Variants in CHRM3 observed in about 807,000 individuals in gnomAD.
CHRM3 encodes muscarinic acetylcholine receptor M3.
CHRM3 carries 11 observed loss-of-function variants against 41.8 expected under a neutral mutation model. The ratio of observed to expected loss-of-function variants is 0.26; its 90% confidence interval spans 0.17 to 0.44. The LOEUF (loss-of-function observed/expected upper bound fraction) is 0.44. Ranked by LOEUF, CHRM3 falls within the 20% of genes least tolerant of loss-of-function variation. The pLI is 1.00. For synonymous variants in CHRM3, 297 were observed against 301.4 expected (o/e 0.99, Z 0.15); for missense variants, 571 against 745.4 (o/e 0.77, Z 2.72).
chr1:239,763,795 C>T (rs1666993696), intron 5 of CHRM3, among the ~76,000 whole-genome samples: 1 of 143,708 alleles, frequency 7.0e-6, no homozygotes, highest in Admixed American at 6.9e-5. Flanking sequence ...GCTTTTATCT[C>T]ATTAAGTCCT....
chr1:239,847,960 G>T (rs2149207071), intron 6 of CHRM3, among the ~76,000 whole-genome samples: 2 of 151,550 alleles, frequency 1.3e-5, no homozygotes, highest in South Asian at 4.2e-4. Context: ...GGGAGGGGAG[G>T]GGAGGGGAGA....
chr1:239,511,654 G>T (rs1046082879), intron 2 of CHRM3, among the ~76,000 whole-genome samples: 5 of 152,146 alleles, frequency 3.3e-5, no homozygotes, highest in Non-Finnish European at 5.9e-5. Context: ...AAAGAGAAAG[G>T]TTTGGGGACG....
In CHRM3 at chr1:239,642,014, T is replaced by C. The variant is rs1268307701; in HGVS notation, c.-250+9728T>C. Among the ~76,000 whole-genome samples, 6 of 127,326 alleles carry C rather than the reference T, an allele frequency of 4.7e-5. 2 individuals are homozygous for C. The highest frequency in any genetic ancestry group is 1.0e-4 in the Non-Finnish European group (6 of 60,148). The allele number at this position is 127,326 out of a possible 152,430, so 83.5% of individuals were successfully genotyped here. A position where few individuals can be genotyped will look rare whatever the true frequency, so the allele number is the denominator to read the frequency against. On this transcript the variant is annotated intron_variant, in intron 4 of 6. Coordinates refer to ENST00000676153, the MANE Select transcript of CHRM3 (RefSeq NM_001375978.1). ...TGTCTGTAAAGAATTTTATTTCTCC[T>C]CCACTTATGAAGCTTAGTTTGGCTG...
At chr1:239,738,197 T>C (rs1190784689) in intron 5 of CHRM3, among the ~76,000 whole-genome samples, 1 of 152,190 alleles carries the variant, frequency 6.6e-6, no homozygotes, top group Non-Finnish European at 1.5e-5. Context: ...AATGGTACCT[T>C]GTATCTGCAT....
rs951625384 is a variant in CHRM3, at chr1:239,836,683, G to A, written c.-20+9305G>A. ...AAAAGGAAAGTTTTGTCACATATAAGATAGGTGGAGGGGGCCTGGCGTGGT... is the reference window on the plus strand; with the variant it reads ...AAAAGGAAAGTTTTGTCACATATAAAATAGGTGGAGGGGGCCTGGCGTGGT... On this transcript the variant is annotated intron_variant, in intron 6 of 6. Transcript: ENST00000676153. Among the ~76,000 whole-genome samples the A allele has an allele frequency of 3.3e-5, 5 of 152,122 alleles. 1 individual carries two copies. Among genetic ancestry groups the A allele is most frequent in the African/African-American group, 1.2e-4 (5 of 41,438 alleles).
chr1:239,881,182 C>T (rs1385507464), intron 6 of CHRM3, among the ~76,000 whole-genome samples: 2 of 142,154 alleles, frequency 1.4e-5, no homozygotes, highest in South Asian at 2.3e-4. Flanking sequence ...TCTCGGGAGG[C>T]TGAGGCAGGA....
intron 1 of CHRM3, among the ~76,000 whole-genome samples, chr1:239,409,625 T>A (rs540487862): frequency 1.8e-4 from 27 of 152,106 alleles, no homozygotes; most frequent in Non-Finnish European, 3.7e-4. Context: ...CACATGGAAG[T>A]TTGTGATGAA....
At chr1:239,552,504 ATT>A (rs1438828629) in intron 3 of CHRM3, among the ~76,000 whole-genome samples, 15 of 140,570 alleles carry the variant, frequency 1.1e-4, no homozygotes, top group South Asian at 6.5e-4. Context: ...TAAAATATAT[ATT>A]TTATATATAT....
Position 239,907,332 on chromosome 1 carries a change from C to T in CHRM3, c.-19-101C>T. ...GTTTGGCTTCATAGAGATTCAGCACCCTGTAATAGGCCTTCCATGTCTTTT... is the reference window on the plus strand; with the variant it reads ...GTTTGGCTTCATAGAGATTCAGCACTCTGTAATAGGCCTTCCATGTCTTTT... On this transcript the variant is annotated intron_variant, in intron 6 of 6. Coordinates refer to ENST00000676153, the MANE Select transcript of CHRM3 (RefSeq NM_001375978.1). The surrounding 1 kb of genome is among the most constrained non-coding windows in gnomAD (Gnocchi z 5.4). The T allele has an allele frequency of 1.2e-6, 1 of 820,010 alleles. No homozygotes were observed. Among genetic ancestry groups the T allele is most frequent in the Non-Finnish European group, 1.9e-6 (1 of 523,140 alleles). The allele number at this position is 820,010 out of a possible 1,614,324, so 50.8% of individuals were successfully genotyped here. A position where few individuals can be genotyped will look rare whatever the true frequency, so the allele number is the denominator to read the frequency against.
At chr1:239,804,338 T>C (rs73127388) in intron 5 of CHRM3, among the ~76,000 whole-genome samples, 6,828 of 64,882 alleles carry the variant, frequency 0.11, 436 homozygotes, top group African/African-American at 0.22. Context: ...AGGTCATTCA[T>C]TGTGTTTTTT....
intron 5 of CHRM3, among the ~76,000 whole-genome samples, chr1:239,784,305 T>C (rs1028812197): frequency 6.6e-5 from 10 of 152,338 alleles, no homozygotes; most frequent in Non-Finnish European, 1.3e-4. Flanking sequence ...AAGTTCATTG[T>C]TCTTATTTTT....
At chr1:239,621,294 C>A (rs747641895) in intron 3 of CHRM3, among the ~76,000 whole-genome samples, 1 of 152,130 alleles carries the variant, frequency 6.6e-6, no homozygotes, top group Non-Finnish European at 1.5e-5. Context: ...TGCCCTCCAC[C>A]CCATTTCCTG....
intron 6 of CHRM3, among the ~76,000 whole-genome samples, chr1:239,885,834 A>G (rs1417074598): frequency 1.3e-5 from 2 of 152,218 alleles, no homozygotes; most frequent in Non-Finnish European, 2.9e-5. Flanking sequence ...TGAATAGGTA[A>G]TGATCCCAGG....
rs148294742 is a variant in CHRM3, at chr1:239,737,367, C to T, written c.-147+59079C>T. Among the ~76,000 whole-genome samples, 447 of 152,282 alleles carry T rather than the reference C, an allele frequency of 2.9e-3. 2 individuals carry two copies. The highest frequency in any genetic ancestry group is 0.01 in the African/African-American group (431 of 41,574). On this transcript the variant is annotated intron_variant, in intron 5 of 6. Coordinates refer to ENST00000676153, the MANE Select transcript of CHRM3 (RefSeq NM_001375978.1). ...AAATAATGGAACTTAAAACTAACCA[C>T]TAAATCTATCCTCAGTCATAGAAAG...
At chr1:239,615,810 C>T (rs1334803054) in intron 3 of CHRM3, among the ~76,000 whole-genome samples, 1 of 152,144 alleles carries the variant, frequency 6.6e-6, no homozygotes, top group East Asian at 1.9e-4. Context: ...GTCTTTAACA[C>T]TGAATGCGGC....
intron 2 of CHRM3, among the ~76,000 whole-genome samples, chr1:239,500,917 G>C (rs1668200973): frequency 1.3e-5 from 2 of 152,166 alleles, no homozygotes; most frequent in African/African-American, 4.8e-5. Context: ...GAAACTTAAA[G>C]TAAAAGGGTG....
At chr1:239,703,099 A>G (rs950844944) in intron 5 of CHRM3, 3 of 152,156 alleles carry the variant, frequency 2.0e-5, no homozygotes, top group African/African-American at 7.2e-5. Flanking sequence ...TTGATGTTCT[A>G]AAAAGAGAGG....
chr1:239,717,120 G>C (rs1018340241), intron 5 of CHRM3, among the ~76,000 whole-genome samples: 2 of 151,960 alleles, frequency 1.3e-5, no homozygotes, highest in Non-Finnish European at 2.9e-5. Flanking sequence ...TAAGATCTGA[G>C]TTGAATTGTG....
chr1:239,399,608 C>G (rs898666803), intron 1 of CHRM3, among the ~76,000 whole-genome samples: 8 of 152,190 alleles, frequency 5.3e-5, no homozygotes, highest in African/African-American at 1.9e-4. Flanking sequence ...ATTGGTCTTT[C>G]TGTGCCTGAC....
Sources: allele counts gnomAD v4.1 joint callset (sites outside exome capture counted in the v4.1 genomes callset), GRCh38; gene constraint gnomAD v4.1.1; non-coding constraint Gnocchi (gnomAD v3.1); transcripts MANE v1.5; gene names NCBI Gene and HGNC (gene_info 2026-07-23, HGNC 2026-07-21).